The following FOXN3 variants were observed in gnomAD, a reference collection of about 807,000 sequenced individuals.
FOXN3 encodes forkhead box protein N3.
FOXN3 carries 7 observed loss-of-function variants against 38.4 expected under a neutral mutation model. The observed-to-expected ratio is 0.18, with a 90% CI of 0.10 to 0.34. FOXN3 has a LOEUF of 0.34. Among genes scored for constraint, FOXN3 ranks in the 10% least tolerant of loss-of-function variants. FOXN3 has a pLI of 1.00. For synonymous variants in FOXN3, 230 were observed against 242.2 expected (o/e 0.95, Z 0.47); for missense variants, 456 against 613.4 (o/e 0.74, Z 2.71).
intron 3 of FOXN3, among the ~76,000 whole-genome samples, chr14:89,303,105 T>G (rs1286600466): frequency 2.6e-5 from 4 of 152,154 alleles, no homozygotes; most frequent in Non-Finnish European, 2.9e-5. Flanking sequence ...TTGGCTCCAC[T>G]TGCTCCAGCT....
chr14:89,302,014 G>A (rs527347676), intron 3 of FOXN3, among the ~76,000 whole-genome samples: 2 of 152,092 alleles, frequency 1.3e-5, no homozygotes, highest in African/African-American at 4.8e-5. Flanking sequence ...ACTGTCCCAC[G>A]TGTCCCTCTC....
intron 1 of FOXN3, among the ~76,000 whole-genome samples, chr14:89,596,222 C>T (rs930467072): frequency 7.2e-5 from 11 of 152,184 alleles, no homozygotes; most frequent in Non-Finnish European, 1.5e-4. Context: ...ACTGCAACCT[C>T]CGCCTCCCCG....
intron 1 of FOXN3, among the ~76,000 whole-genome samples, chr14:89,468,770 C>T (rs1261967072): frequency 6.6e-6 from 1 of 152,154 alleles, no homozygotes; most frequent in Non-Finnish European, 1.5e-5. Context: ...TGGTGAATAT[C>T]GAGGTTGTAT....
intron 1 of FOXN3, among the ~76,000 whole-genome samples, chr14:89,521,967 C>T (rs1292135083): frequency 6.6e-6 from 1 of 151,408 alleles, no homozygotes; most frequent in Non-Finnish European, 1.5e-5. Context: ...CTTTAGAGAA[C>T]CATGATCACA....
At chr14:89,326,968 G>GCA (rs969150502) in intron 3 of FOXN3, among the ~76,000 whole-genome samples, 1 of 152,062 alleles carries the variant, frequency 6.6e-6, no homozygotes, top group South Asian at 2.1e-4. Flanking sequence ...TACGTAATAT[G>GCA]CACACACACA....
intron 5 of FOXN3, among the ~76,000 whole-genome samples, chr14:89,179,832 G>A (rs1887617172): frequency 1.3e-5 from 2 of 152,228 alleles, no homozygotes; most frequent in South Asian, 4.1e-4. Context: ...ATGAGGGTGA[G>A]GGGAATCTAT....
Position 89,209,400 on chromosome 14 carries a change from T to C in FOXN3, c.746-28594A>G, listed in dbSNP as rs75422909. Among the ~76,000 whole-genome samples the C allele has an allele frequency of 7.9e-3, 1,201 of 152,356 alleles. 17 individuals carry two copies. The highest frequency in any genetic ancestry group is 0.028 in the African/African-American group (1,169 of 41,574). On this transcript the variant is annotated intron_variant, in intron 4 of 5. Coordinates refer to ENST00000557258, the MANE Select transcript of FOXN3 (RefSeq NM_005197.4). Reference sequence around the variant, plus strand: ...GCCAACACTAGAAAAATTTGAGAGATATTGGAGCACCAGCTAATTCCTTCC... The same window carrying C: ...GCCAACACTAGAAAAATTTGAGAGACATTGGAGCACCAGCTAATTCCTTCC...
At chr14:89,462,081 C>G (rs1268337206) in intron 1 of FOXN3, among the ~76,000 whole-genome samples, 1 of 152,176 alleles carries the variant, frequency 6.6e-6, no homozygotes, top group African/African-American at 2.4e-5. Flanking sequence ...GGAAGGAAAT[C>G]CAGAAGACTA....
chr14:89,581,156 TG>T (rs1895730796), intron 1 of FOXN3, among the ~76,000 whole-genome samples: 1 of 151,958 alleles, frequency 6.6e-6, no homozygotes, highest in East Asian at 1.9e-4. Context: ...TACTCCAGCT[TG>T]GGTGACAGAG....
At chr14:89,299,975 C>A (rs755314980) in intron 3 of FOXN3, among the ~76,000 whole-genome samples, 1 of 152,188 alleles carries the variant, frequency 6.6e-6, no homozygotes, top group Non-Finnish European at 1.5e-5. Context: ...GCTGGCCACA[C>A]TTGCATCTTC....
At chr14:89,363,759 G>C (rs1340060393) in intron 2 of FOXN3, among the ~76,000 whole-genome samples, 1 of 151,892 alleles carries the variant, frequency 6.6e-6, no homozygotes, top group Non-Finnish European at 1.5e-5. Context: ...TATTCACCAT[G>C]AACTTACAGC....
intron 4 of FOXN3, among the ~76,000 whole-genome samples, chr14:89,221,885 C>T (rs563039024): frequency 9.2e-5 from 14 of 151,406 alleles, no homozygotes; most frequent in Middle Eastern, 3.4e-3. Context: ...TGCAGTGGCG[C>T]GATCTCGGCT....
chr14:89,253,160 G>C (rs1171429064), intron 4 of FOXN3, among the ~76,000 whole-genome samples: 1 of 152,166 alleles, frequency 6.6e-6, no homozygotes, highest in East Asian at 1.9e-4. Flanking sequence ...GGCTCATTAA[G>C]GCCTGATGCG....
chr14:89,242,676 C>T (rs1388977027), intron 4 of FOXN3, among the ~76,000 whole-genome samples: 2 of 151,930 alleles, frequency 1.3e-5, no homozygotes, highest in Non-Finnish European at 2.9e-5. Context: ...GGAAAATGCC[C>T]GCGACTTAAT....
intron 3 of FOXN3, among the ~76,000 whole-genome samples, chr14:89,339,069 C>T (rs1402451251): frequency 2.6e-5 from 4 of 152,182 alleles, no homozygotes; most frequent in South Asian, 4.1e-4. Context: ...GGTGCGATCT[C>T]GGCTCACTGC....
At chr14:89,341,732 G>A (rs762120310) in intron 3 of FOXN3, among the ~76,000 whole-genome samples, 6 of 152,106 alleles carry the variant, frequency 3.9e-5, no homozygotes, top group Non-Finnish European at 7.4e-5. Context: ...GTTGTTTCAC[G>A]TTGTACACGG....
intron 2 of FOXN3, among the ~76,000 whole-genome samples, chr14:89,352,522 C>G (rs1020488046): frequency 2.0e-5 from 3 of 152,156 alleles, no homozygotes; most frequent in Non-Finnish European, 2.9e-5. Context: ...AGGGGTCTGG[C>G]CTGATTCCAT....
In FOXN3 at chr14:89,281,020, A is replaced by G. The variant is rs147957431; in HGVS notation, c.681-6T>C. On this transcript the variant is annotated splice_region_variant and splice_polypyrimidine_tract_variant and intron_variant, in intron 3 of 5. Coordinates refer to ENST00000557258, the MANE Select transcript of FOXN3 (RefSeq NM_005197.4). ...AGATGGGTGGACCTGATGTGCTGAAAGAGAAAAGAAACTAGCATAAGGCCA... is the reference window on the plus strand; with the variant it reads ...AGATGGGTGGACCTGATGTGCTGAAGGAGAAAAGAAACTAGCATAAGGCCA... 232 of 1,612,922 alleles carry G rather than the reference A, an allele frequency of 1.4e-4. No individual in the cohort carries two copies. In the African/African-American group the frequency reaches 2.9e-3, roughly 20 times the overall value.
At chr14:89,561,651 G>T (rs1398012379) in intron 1 of FOXN3, among the ~76,000 whole-genome samples, 2 of 152,230 alleles carry the variant, frequency 1.3e-5, no homozygotes, top group African/African-American at 4.8e-5. Flanking sequence ...CTATTGCTCT[G>T]GCTTTACCTT....
Sources: allele counts gnomAD v4.1 joint callset (sites outside exome capture counted in the v4.1 genomes callset), GRCh38; gene constraint gnomAD v4.1.1; transcripts MANE v1.5; gene names NCBI Gene and HGNC (gene_info 2026-07-23, HGNC 2026-07-21).